Variants in UNC5C observed in about 807,000 individuals in gnomAD.
UNC5C encodes the protein netrin receptor UNC5C.
A neutral mutation model predicts 99.8 loss-of-function variants in UNC5C; 47 were observed. That is an observed-to-expected ratio of 0.47 (90% CI 0.37 to 0.60). The LOEUF is 0.60. UNC5C is among the 20% of genes least tolerant of loss of function. UNC5C has a pLI of 0.00. For synonymous variants in UNC5C, 487 were observed against 452.2 expected, an observed-to-expected ratio of 1.08 and a Z score of -0.98; for missense variants, 1,062 against 1,165.9, an observed-to-expected ratio of 0.91 and a Z score of 1.30.
At chr4:95,480,926 G>A (rs970370988) in intron 1 of UNC5C, among the ~76,000 whole-genome samples, 1 of 151,470 alleles carries the variant, frequency 6.6e-6, no homozygotes, top group East Asian at 2.0e-4. Context: ...AAAACTGGAA[G>A]CATTCCCTTT....
At chr4:95,360,976 C>A (rs1206704274) in intron 1 of UNC5C, among the ~76,000 whole-genome samples, 1 of 152,110 alleles carries the variant, frequency 6.6e-6, no homozygotes, top group African/African-American at 2.4e-5. Context: ...GGAAGGCATC[C>A]TTTCTGTCTT....
chr4:95,391,448 G>A (rs1230971241), intron 1 of UNC5C, among the ~76,000 whole-genome samples: 1 of 152,066 alleles, frequency 6.6e-6, no homozygotes, highest in Non-Finnish European at 1.5e-5. Flanking sequence ...ATATTATACT[G>A]ATTGTCATTT....
At chr4:95,198,303 T>TAA (rs1158448608) in intron 12 of UNC5C, among the ~76,000 whole-genome samples, 2 of 152,028 alleles carry the variant, frequency 1.3e-5, no homozygotes, top group Non-Finnish European at 1.5e-5. Flanking sequence ...AGCCTCTCCT[T>TAA]AAGAACAAAG....
chr4:95,202,657 A>G, intron 12 of UNC5C, 74 bp downstream of exon 12: 6 of 1,422,848 alleles, frequency 4.2e-6, no homozygotes, highest in Non-Finnish European at 5.8e-6. Context: ...CCACATCTCC[A>G]AGTGTGCACA....
chr4:95,451,116 G>A (rs1447229105), intron 1 of UNC5C, among the ~76,000 whole-genome samples: 1 of 152,188 alleles, frequency 6.6e-6, no homozygotes, highest in African/African-American at 2.4e-5. Context: ...CACTAGTAGA[G>A]TGTTTGTAGC....
intron 1 of UNC5C, among the ~76,000 whole-genome samples, chr4:95,393,175 T>G (rs1446105290): frequency 6.6e-6 from 1 of 152,242 alleles, no homozygotes; most frequent in African/African-American, 2.4e-5. Context: ...GTAGGGCAGA[T>G]GGAGGACTTA....
intron 14 of UNC5C, among the ~76,000 whole-genome samples, chr4:95,172,102 T>C (rs1345073178): frequency 2.0e-5 from 3 of 148,736 alleles, no homozygotes; most frequent in Non-Finnish European, 4.5e-5. Flanking sequence ...TTTTTTCTTG[T>C]AAATTTGTTT....
chr4:95,547,408 G>A (rs13103741), intron 1 of UNC5C, among the ~76,000 whole-genome samples: 20,985 of 152,004 alleles, frequency 0.14, 1,865 homozygotes, highest in African/African-American at 0.25. Context: ...CACCCCCAGC[G>A]CCTCTCTAAG....
At chr4:95,261,096 A>C (rs1403164062) in intron 4 of UNC5C, among the ~76,000 whole-genome samples, 1 of 152,184 alleles carries the variant, frequency 6.6e-6, no homozygotes, top group Non-Finnish European at 1.5e-5. Context: ...AGCCAACTAC[A>C]GTGCTACAGA....
At chr4:95,384,683 A>G (rs1745162610) in intron 1 of UNC5C, among the ~76,000 whole-genome samples, 2 of 152,150 alleles carry the variant, frequency 1.3e-5, no homozygotes, top group Non-Finnish European at 2.9e-5. Flanking sequence ...CCAGATTTCC[A>G]TTTGAAAATG....
intron 1 of UNC5C, among the ~76,000 whole-genome samples, chr4:95,454,942 C>T (rs1747386903): frequency 6.6e-6 from 1 of 151,900 alleles, no homozygotes; most frequent in Non-Finnish European, 1.5e-5. Flanking sequence ...ATGGGAAAGA[C>T]ATTAAGAGGT....
At chr4:95,182,714 A>ATT (rs941925441) in intron 14 of UNC5C, among the ~76,000 whole-genome samples, 183 bp downstream of exon 14, 2 of 151,914 alleles carry the variant, frequency 1.3e-5, no homozygotes, top group African/African-American at 2.4e-5. Context: ...ATATATATAT[A>ATT]TTTTTTTCTG....
chr4:95,307,421 TAC>T (rs1742101412), intron 2 of UNC5C, among the ~76,000 whole-genome samples: 3 of 152,120 alleles, frequency 2.0e-5, no homozygotes, highest in African/African-American at 7.2e-5. Context: ...ACGCAACACT[TAC>T]AGAGACTGAA....
chr4:95,500,324 A>G (rs1721745225), intron 1 of UNC5C, among the ~76,000 whole-genome samples: 1 of 152,094 alleles, frequency 6.6e-6, no homozygotes, highest in Non-Finnish European at 1.5e-5. Flanking sequence ...TTGCCAGACA[A>G]TAAATTCCAT....
intron 3 of UNC5C, among the ~76,000 whole-genome samples, chr4:95,280,624 G>C (rs1273714526): frequency 6.6e-6 from 1 of 151,710 alleles, no homozygotes; most frequent in East Asian, 1.9e-4. Flanking sequence ...AGGAGGCGGA[G>C]GTTGCAGCGA....
At chr4:95,424,668 C>G (rs970866961) in intron 1 of UNC5C, among the ~76,000 whole-genome samples, 9 of 151,132 alleles carry the variant, frequency 6.0e-5, no homozygotes, top group Non-Finnish European at 1.2e-4. Context: ...ACTACAGGTG[C>G]CCCCCACCAC....
intron 1 of UNC5C, among the ~76,000 whole-genome samples, chr4:95,448,225 T>TGAGAGAGAGA (rs1260024385): frequency 5.4e-4 from 57 of 105,724 alleles, no homozygotes; most frequent in African/African-American, 1.9e-3. Flanking sequence ...TGTGTGTGTG[T>TGAGAGAGAGA]GTGAGAGAGA....
At chr4:95,406,344 T>C (rs536661369) in intron 1 of UNC5C, among the ~76,000 whole-genome samples, 1 of 152,168 alleles carries the variant, frequency 6.6e-6, no homozygotes, top group Non-Finnish European at 1.5e-5. Context: ...TCCCCTCCAG[T>C]TAATGTTCTG....
rs554085444 is a variant in UNC5C at position 95,518,933 on chromosome 4, C to T, written c.124+29801G>A. ...TGGAATAAAGTTAAAGTATTACTTC[C>T]CAAAGTGTCTTATTTGAATTTCATT... On this transcript the variant is annotated intron_variant, in intron 1 of 15. Coordinates refer to ENST00000453304, the MANE Select transcript of UNC5C (RefSeq NM_003728.4). Among the ~76,000 whole-genome samples, 408 of 152,050 alleles carry T rather than the reference C, an allele frequency of 2.7e-3. 1 individual carries two copies. The highest frequency in any genetic ancestry group is 5.0e-3 in the Non-Finnish European group (338 of 67,948).
Sources: allele counts gnomAD v4.1 joint callset (sites outside exome capture counted in the v4.1 genomes callset), GRCh38; gene constraint gnomAD v4.1.1; transcripts MANE v1.5; gene names NCBI Gene and HGNC (gene_info 2026-07-23, HGNC 2026-07-21).